Variants in CCDC179 observed in about 807,000 individuals in gnomAD.
CCDC179 encodes the protein coiled-coil domain-containing protein 179.
Under a neutral mutation model 12.0 loss-of-function variants are expected in CCDC179, and 17 were observed. That is an observed-to-expected ratio of 1.42 (90% CI 0.97 to 2.13). The LOEUF (loss-of-function observed/expected upper bound fraction) is 2.13, where lower values mean the gene tolerates loss of function less well. Ranked by LOEUF, CCDC179 falls within the 30% of genes most tolerant of loss-of-function variation. The probability of loss-of-function intolerance (pLI) is 0.00; values close to 1 mark genes in which losing one functional copy is unlikely to be tolerated. For missense variants in CCDC179, 83 were observed against 78.6 expected, an observed-to-expected ratio of 1.06 and a Z score of -0.21; for synonymous variants, 27 against 26.4, an observed-to-expected ratio of 1.02 and a Z score of -0.07.
At chr11:22,860,205 G>C (rs1858629868) in intron 1 of CCDC179, among the ~76,000 whole-genome samples, 172 bp downstream of exon 1, 1 of 152,198 alleles carries the variant, frequency 6.6e-6, no homozygotes, top group Non-Finnish European at 1.5e-5. Flanking sequence ...TTGTTTCAGA[G>C]GGGTCCAGCA....
chr11:22,859,642 A>G (rs945795432), intron 1 of CCDC179, 146 bp from the exon 2 acceptor site: 101 of 437,234 alleles, frequency 2.3e-4, no homozygotes, highest in African/African-American at 1.9e-3. Flanking sequence ...TTAAAAAAAC[A>G]AAAAGAAAAA....
chr11:22,849,979 G>A (rs182636920), intron 3 of CCDC179, among the ~76,000 whole-genome samples: 12 of 152,228 alleles, frequency 7.9e-5, no homozygotes, highest in East Asian at 1.9e-4. Context: ...TTGAGGAGGC[G>A]TCTGATTTAC....
chr11:22,849,648 C>A (rs991674119), intron 3 of CCDC179, among the ~76,000 whole-genome samples: 9 of 152,226 alleles, frequency 5.9e-5, no homozygotes, highest in African/African-American at 2.2e-4. Context: ...AACGTATAGT[C>A]TTTTAGCCCT....
chr11:22,859,569 A>G, intron 1 of CCDC179, 73 bp from the exon 2 acceptor site: 2 of 850,250 alleles, frequency 2.4e-6, no homozygotes, highest in African/African-American at 3.4e-5. Flanking sequence ...TTATTATAAT[A>G]GGAAGCCTAT....
chr11:22,852,724 A>C (rs1374166058), intron 3 of CCDC179, among the ~76,000 whole-genome samples: 1 of 152,188 alleles, frequency 6.6e-6, no homozygotes, highest in African/African-American at 2.4e-5. Context: ...TTAGCCTCCA[A>C]ATTTTCAGAG....
Position 22,860,396 on chromosome 11 carries a change from T to G in CCDC179, c.26A>C (p.Glu9Ala). 1 of 1,535,594 alleles carries G rather than the reference T, an allele frequency of 6.5e-7. No homozygotes were observed. Among genetic ancestry groups the G allele is most frequent in the Non-Finnish European group, 8.7e-7 (1 of 1,146,662 alleles). The change falls in exon 1 of 4, where the codon GAG (glutamate) becomes GCG (alanine). Residue 9 changes from glutamate (E) to alanine (A), a missense_variant. By Grantham distance (107) the Glu-to-Ala change is moderately radical. Transcript: ENST00000532798. Reference sequence around the variant, plus strand: ...ACTCACAGGGTTGACTTGGGAAGGCTCGATGTCCCAGCAATACAGGCACAT... The same window carrying G: ...ACTCACAGGGTTGACTTGGGAAGGCGCGATGTCCCAGCAATACAGGCACAT... The part of the protein sequence containing the change: MCLYCWDI[E>A]PSQVNPEGPR...
At chr11:22,848,494 T>G (rs903213513) in intron 3 of CCDC179, among the ~76,000 whole-genome samples, 19 of 152,178 alleles carry the variant, frequency 1.2e-4, no homozygotes, top group Admixed American at 3.9e-4. Flanking sequence ...AAAATATTTT[T>G]TCAAACTTCT....
At chr11:22,851,102 A>G (rs1590189468) in intron 3 of CCDC179, among the ~76,000 whole-genome samples, 1 of 148,188 alleles carries the variant, frequency 6.7e-6, no homozygotes, top group Admixed American at 6.8e-5. Context: ...TCTCCTGTGC[A>G]TAGGCATATT....
rs374490103 is a variant in CCDC179 at position 22,853,659 on chromosome 11, AAAG to A, written c.195+4260_195+4262del. ...TATAAATATGTACAATTGGAAAAAAAAAGAAGGAAGGAGGAGAGGAAGAGGAAA... is the reference window on the plus strand; with the variant it reads ...TATAAATATGTACAATTGGAAAAAAAAAGGAAGGAGGAGAGGAAGAGGAAA... On this transcript the variant is annotated intron_variant, in intron 3 of 3. Transcript: ENST00000532798. 3.9e-3 allele frequency among the ~76,000 whole-genome samples: 578 copies of A among 148,680 alleles called. 5 individuals carry two copies. The highest frequency in any genetic ancestry group is 0.013 in the African/African-American group (534 of 41,356).
At position 22,859,454 on chromosome 11, in the gene CCDC179, GC is replaced by G. The variant is rs1232675471; in HGVS notation, c.87del (p.Gln30SerfsTer13). On this transcript the variant is annotated frameshift_variant, in exon 2 of 4. Transcript: ENST00000532798. LOFTEE classifies it high-confidence loss of function. ...CTAGTTCTTTATTTAAACATTACCTGCCGCTCAGTGACCTCTGAAGGATGAT... is the reference window on the plus strand; with the variant it reads ...CTAGTTCTTTATTTAAACATTACCTGCGCTCAGTGACCTCTGAAGGATGAT... ...RQHHPSEVTE[R>X]QLANKRIQNM... 7.6e-5 allele frequency: 114 copies of G among 1,490,950 alleles called. No homozygotes were observed. The highest frequency in any genetic ancestry group is 3.5e-4 in the Middle Eastern group (2 of 5,730). The allele number at this position is 1,490,950 out of a possible 1,614,324, so 92.4% of individuals were successfully genotyped here.
At chr11:22,856,619 T>C (rs1331647472) in intron 3 of CCDC179, among the ~76,000 whole-genome samples, 1 of 151,482 alleles carries the variant, frequency 6.6e-6, no homozygotes, top group Non-Finnish European at 1.5e-5. Context: ...ATGTACCTTC[T>C]CACTTCTGTT....
At chr11:22,848,180 A>T (rs893743081) in intron 3 of CCDC179, among the ~76,000 whole-genome samples, 5 of 152,260 alleles carry the variant, frequency 3.3e-5, no homozygotes. Flanking sequence ...ATGGTGGCTT[A>T]CGCCTGTAAT....
chr11:22,860,376 C>T lies in CCDC179; in HGVS notation c.45+1G>A. 1.3e-6 allele frequency: 2 copies of T among 1,535,620 alleles called. No individual in the cohort carries two copies. The highest frequency in any genetic ancestry group is 1.7e-6 in the Non-Finnish European group (2 of 1,146,644). ...GAGGTTGTAGGCCCCAGCAGACTCA[C>T]AGGGTTGACTTGGGAAGGCTCGATG... On this transcript the variant is annotated splice_donor_variant, in intron 1 of 3. Transcript: ENST00000532798. LOFTEE classifies it high-confidence loss of function.
At chr11:22,849,098 T>C (rs1858308342) in intron 3 of CCDC179, among the ~76,000 whole-genome samples, 3 of 152,222 alleles carry the variant, frequency 2.0e-5, no homozygotes, top group Admixed American at 2.0e-4. Context: ...GTTGTCACAG[T>C]AACTCTTTGT....
At chr11:22,859,823 T>C (rs1002363497) in intron 1 of CCDC179, among the ~76,000 whole-genome samples, 2 of 152,166 alleles carry the variant, frequency 1.3e-5, no homozygotes, top group Non-Finnish European at 2.9e-5. Flanking sequence ...ATGTTTCTGC[T>C]TCTACAGGAC....
At chr11:22,849,033 T>G (rs1229368107) in intron 3 of CCDC179, among the ~76,000 whole-genome samples, 1 of 152,210 alleles carries the variant, frequency 6.6e-6, no homozygotes, top group Non-Finnish European at 1.5e-5. Flanking sequence ...TGCCTGAGCT[T>G]AAATGGGAGA....
intron 3 of CCDC179, among the ~76,000 whole-genome samples, chr11:22,856,090 A>G (rs1304395784): frequency 1.3e-5 from 2 of 151,518 alleles, no homozygotes; most frequent in Non-Finnish European, 3.0e-5. Flanking sequence ...ATTACCAAAC[A>G]TTTAAAAAAG....
intron 3 of CCDC179, among the ~76,000 whole-genome samples, chr11:22,854,864 A>G (rs762961469): frequency 6.6e-6 from 1 of 151,778 alleles, no homozygotes; most frequent in Non-Finnish European, 1.5e-5. Flanking sequence ...TGTCAAAGGG[A>G]TGGAGAAAGA....
At chr11:22,857,777 T>C in intron 3 of CCDC179, 145 bp downstream of exon 3, 1 of 455,926 alleles carries the variant, frequency 2.2e-6, no homozygotes, top group East Asian at 3.4e-5. Context: ...AAATAATAGA[T>C]GAGATAAGAC....
Sources: allele counts gnomAD v4.1 joint callset (sites outside exome capture counted in the v4.1 genomes callset), GRCh38; gene constraint gnomAD v4.1.1; transcripts MANE v1.5; gene names NCBI Gene and HGNC (gene_info 2026-07-23, HGNC 2026-07-21).